RNF138: variants seen among roughly 807,000 people sequenced by gnomAD.
RNF138 encodes the protein ring finger protein 138, also known as E3 ubiquitin-protein ligase RNF138.
Under a neutral mutation model 31.0 loss-of-function variants are expected in RNF138, and 12 were observed. The ratio of observed to expected loss-of-function variants is 0.39; its 90% CI spans 0.25 to 0.63. The LOEUF (loss-of-function observed/expected upper bound fraction) is 0.63, where lower values mean the gene tolerates loss of function less well. RNF138 is among the 20% of genes least tolerant of loss of function. The probability of loss-of-function intolerance (pLI) is 0.52; values close to 1 mark genes in which losing one functional copy is unlikely to be tolerated. For synonymous variants in RNF138, 105 were observed against 99.5 expected (o/e 1.06, Z -0.33); for missense variants, 192 against 300.1 (o/e 0.64, Z 2.66).
Position 32,101,577 on chromosome 18 carries a change from T to G in RNF138, c.110+8691T>G, listed in dbSNP as rs371255126. Among the ~76,000 whole-genome samples, 22 of 152,282 alleles carry G rather than the reference T, an allele frequency of 1.4e-4. No homozygotes were observed. The South Asian group carries it at 2.3e-3, about 16-fold the overall frequency. On this transcript the variant is annotated intron_variant, in intron 2 of 7. Coordinates refer to ENST00000261593, the MANE Select transcript of RNF138 (RefSeq NM_016271.5). ...CTTATTAAGAAAAATTTATTTTTTT[T>G]TAAGAATTCAAGATCATGAATGGAT...
At chr18:32,120,094 T>G (rs1160702437) in intron 4 of RNF138, among the ~76,000 whole-genome samples, 1 of 152,194 alleles carries the variant, frequency 6.6e-6, no homozygotes, top group East Asian at 1.9e-4. Flanking sequence ...TTCTATTCAG[T>G]GTTAAATAGC....
At chr18:32,094,640 C>T (rs2039772178) in intron 2 of RNF138, among the ~76,000 whole-genome samples, 1 of 151,864 alleles carries the variant, frequency 6.6e-6, no homozygotes, top group African/African-American at 2.4e-5. Flanking sequence ...GTCTAGGGCA[C>T]AATATAGATC....
intron 6 of RNF138, among the ~76,000 whole-genome samples, chr18:32,126,090 A>T (rs1412748464): frequency 6.6e-6 from 1 of 152,126 alleles, no homozygotes; most frequent in Non-Finnish European, 1.5e-5. Flanking sequence ...TTTAAGATGT[A>T]CTTCATTTAA....
intron 2 of RNF138, among the ~76,000 whole-genome samples, chr18:32,107,596 C>G (rs1434130809): frequency 1.3e-5 from 2 of 152,088 alleles, no homozygotes; most frequent in Non-Finnish European, 2.9e-5. Flanking sequence ...TCTTGGCTCA[C>G]TGCAACCTCT....
intron 7 of RNF138, among the ~76,000 whole-genome samples, chr18:32,127,669 T>C (rs2040404275): frequency 6.6e-6 from 1 of 152,266 alleles, no homozygotes; most frequent in African/African-American, 2.4e-5. Flanking sequence ...AAAGTAATTC[T>C]AGATTATTAT....
chr18:32,121,148 CA>C (rs1199318351), intron 4 of RNF138, among the ~76,000 whole-genome samples: 8 of 137,358 alleles, frequency 5.8e-5, no homozygotes, highest in African/African-American at 1.1e-4. Flanking sequence ...AAAAACAAAA[CA>C]AAAAAAAAGC....
At chr18:32,092,930 T>G (rs2039727426) in intron 2 of RNF138, 44 bp downstream of exon 2, 2 of 1,210,762 alleles carry the variant, frequency 1.7e-6, no homozygotes, top group African/African-American at 3.1e-5. Flanking sequence ...GGTTGTCGCT[T>G]AGGCCCGGCC....
intron 2 of RNF138, among the ~76,000 whole-genome samples, chr18:32,099,954 G>T (rs901169955): frequency 2.0e-5 from 3 of 152,210 alleles, no homozygotes; most frequent in African/African-American, 7.2e-5. Flanking sequence ...CATCACACAA[G>T]AATAATTGCA....
chr18:32,114,398 G>A (rs2040182094), intron 4 of RNF138, among the ~76,000 whole-genome samples: 1 of 152,070 alleles, frequency 6.6e-6, no homozygotes, highest in Non-Finnish European at 1.5e-5. Context: ...ACATTTTTAT[G>A]AAATGTATTT....
At position 32,100,418 on chromosome 18, in the gene RNF138, C is replaced by T. The variant is rs2039910259; in HGVS notation, c.110+7532C>T. On this transcript the variant is annotated intron_variant, in intron 2 of 7. Transcript: ENST00000261593. ...TGGGCTCAAGTAATCCCCCTTTAGC[C>T]TTCCCAGTAGCTGGGACTACAGGCA... Among the ~76,000 whole-genome samples the T allele has an allele frequency of 2.0e-5, 3 of 150,620 alleles. No individual in the cohort carries two copies. The South Asian group carries it at 6.2e-4, about 31-fold the overall frequency.
chr18:32,122,250 A>G (rs1162747688), intron 4 of RNF138: 1 of 152,166 alleles, frequency 6.6e-6, no homozygotes, highest in African/African-American at 2.4e-5. Flanking sequence ...CACAGAAGTG[A>G]ACTGAGTGTC....
chr18:32,120,549 A>C (rs535728131), intron 4 of RNF138, among the ~76,000 whole-genome samples: 1 of 152,176 alleles, frequency 6.6e-6, no homozygotes, highest in Non-Finnish European at 1.5e-5. Context: ...ATAAGTTTTT[A>C]AAAAAATAAT....
chr18:32,126,010 A>G (rs1047074601), intron 6 of RNF138, among the ~76,000 whole-genome samples: 1 of 152,222 alleles, frequency 6.6e-6, no homozygotes, highest in African/African-American at 2.4e-5. Flanking sequence ...TCGATATATC[A>G]TAAACTTTGG....
chr18:32,092,545 C>CT (rs1598839306), intron 1 of RNF138, 155 bp from the exon 2 acceptor site: 1 of 528,578 alleles, frequency 1.9e-6, no homozygotes, highest in East Asian at 3.4e-5. Flanking sequence ...CCATCCAGCC[C>CT]CCTGTGGGAG....
In RNF138 at chr18:32,091,987, T is replaced by G. The variant is rs1258900092; in HGVS notation, c.-326T>G. Reference sequence around the variant, plus strand: ...CGCGTTCGGTGACGGCCGGGTAGGCTGTAGGCAGCGCAATGCCAAGACAGA... The same window carrying G: ...CGCGTTCGGTGACGGCCGGGTAGGCGGTAGGCAGCGCAATGCCAAGACAGA... On this transcript the variant is annotated 5_prime_UTR_variant, in exon 1 of 8. Coordinates refer to ENST00000261593, the MANE Select transcript of RNF138 (RefSeq NM_016271.5). 6.6e-6 allele frequency: 1 copy of G among 152,138 alleles called. No individual in the cohort carries two copies. The highest frequency in any genetic ancestry group is 1.5e-5 in the Non-Finnish European group (1 of 68,394). 9.4% of individuals were successfully genotyped at this position (152,138 alleles called of 1,614,324 possible).
chr18:32,121,028 G>A (rs530488688), intron 4 of RNF138, among the ~76,000 whole-genome samples: 4 of 151,944 alleles, frequency 2.6e-5, no homozygotes, highest in South Asian at 2.1e-4. Flanking sequence ...CCAGCTACTC[G>A]GGAGGCTGAG....
At chr18:32,121,116 CAA>C (rs1423147510) in intron 4 of RNF138, among the ~76,000 whole-genome samples, 20 of 134,638 alleles carry the variant, frequency 1.5e-4, no homozygotes, top group Admixed American at 1.3e-3. Flanking sequence ...GCCTGGGAGA[CAA>C]GAGTGAGACT....
chr18:32,123,276 TAAG>T (rs910501731), intron 4 of RNF138, among the ~76,000 whole-genome samples: 1 of 152,160 alleles, frequency 6.6e-6, no homozygotes, highest in African/African-American at 2.4e-5. Context: ...AGAACATAAA[TAAG>T]AATCTAGTAA....
intron 2 of RNF138, among the ~76,000 whole-genome samples, chr18:32,094,088 G>T (rs976801452): frequency 6.6e-6 from 1 of 152,066 alleles, no homozygotes; most frequent in African/African-American, 2.4e-5. Context: ...ACCGCGCCCC[G>T]CCCGGAAATC....
Sources: gnomAD v4.1 joint callset for allele counts (sites outside exome capture counted in the v4.1 genomes callset) on GRCh38, gnomAD v4.1.1 for gene constraint, MANE v1.5 for transcripts, NCBI Gene and HGNC (gene_info 2026-07-23, HGNC 2026-07-21) for gene names.